Variants in ANO2 observed in about 807,000 individuals in gnomAD.
ANO2 encodes anoctamin 2, also known as anoctamin-2.
ANO2 carries 101 observed loss-of-function variants against 124.2 expected under a neutral mutation model. The ratio of observed to expected loss-of-function variants is 0.81; its 90% CI spans 0.69 to 0.96. The LOEUF (loss-of-function observed/expected upper bound fraction) is 0.96. Ranked by LOEUF, ANO2 falls within the 40% of genes least tolerant of loss-of-function variation. The pLI is 0.00. For synonymous variants in ANO2, 486 were observed against 482.5 expected (o/e 1.01, Z -0.09); for missense variants, 1,293 against 1,274.5 (o/e 1.01, Z -0.22).
chr12:5,886,836 C>T (rs1223518873), intron 3 of ANO2, among the ~76,000 whole-genome samples: 1 of 151,972 alleles, frequency 6.6e-6, no homozygotes, highest in Non-Finnish European at 1.5e-5. Flanking sequence ...AATAAAAGGA[C>T]GTGAAAGGAC....
At chr12:5,623,012 G>T (rs1394430703) in intron 16 of ANO2, among the ~76,000 whole-genome samples, 1 of 148,510 alleles carries the variant, frequency 6.7e-6, no homozygotes, top group Non-Finnish European at 1.5e-5. Context: ...AAGAAATGAA[G>T]AAATGGAATG....
intron 14 of ANO2, among the ~76,000 whole-genome samples, chr12:5,672,543 C>T (rs1948060030): frequency 6.6e-6 from 1 of 152,056 alleles, no homozygotes; most frequent in South Asian, 2.1e-4. Flanking sequence ...GAGTGTGGAC[C>T]CATGGAGGTC....
intron 7 of ANO2, among the ~76,000 whole-genome samples, chr12:5,818,181 C>T (rs1309837335): frequency 1.4e-5 from 2 of 142,612 alleles, no homozygotes; most frequent in Non-Finnish European, 1.5e-5. Context: ...CAAAGATTAA[C>T]ATTTGAGTCA....
At chr12:5,946,067 G>A (rs1943087805), upstream of ANO2, 4 of 1,520,248 alleles carry the variant, frequency 2.6e-6, no homozygotes, top group East Asian at 2.3e-5. This position sits in a 1 kb window ranked among gnomAD's most constrained non-coding sequence, Gnocchi z 4.1. Context: ...ATGCACAGAA[G>A]TAAAACAAGT....
At chr12:5,613,249 A>C (rs187515117) in intron 17 of ANO2, among the ~76,000 whole-genome samples, 4 of 152,216 alleles carry the variant, frequency 2.6e-5, no homozygotes, top group Admixed American at 6.5e-5. Flanking sequence ...GTGTGAGCCT[A>C]AACACCATGC....
chr12:5,839,468 C>G (rs1028526681), intron 4 of ANO2: 1 of 416,118 alleles, frequency 2.4e-6, no homozygotes, highest in African/African-American at 2.0e-5. Context: ...CTACTCCAGA[C>G]TCACCTAACA....
intron 11 of ANO2, among the ~76,000 whole-genome samples, chr12:5,750,449 T>C (rs1014776530): frequency 1.1e-4 from 16 of 152,328 alleles, no homozygotes; most frequent in African/African-American, 3.6e-4. Flanking sequence ...CTACTCAGTG[T>C]CACTCCCCAC....
intron 16 of ANO2, among the ~76,000 whole-genome samples, chr12:5,631,711 T>C (rs1945727580): frequency 6.6e-6 from 1 of 151,948 alleles, no homozygotes; most frequent in African/African-American, 2.4e-5. Context: ...ACTGAGGTCG[T>C]TTTGGCAGTC....
In ANO2 at chr12:5,908,829, A is replaced by G. The variant is rs1284467038; in HGVS notation, c.534+12211T>C. ...TTTTCCCTTACAATTGTGTGCACAG[A>G]ATAGGGAAGGCAGGGAATAAGTGGG... On this transcript the variant is annotated intron_variant, in intron 3 of 24. Coordinates refer to ENST00000682330, the MANE Select transcript of ANO2 (RefSeq NM_001364791.2). The surrounding 1 kb of genome is among the most constrained non-coding windows in gnomAD (Gnocchi z 4.7). Among the ~76,000 whole-genome samples the G allele has an allele frequency of 6.6e-6, 1 of 152,140 alleles. No homozygotes were observed. The highest frequency in any genetic ancestry group is 1.5e-5 in the Non-Finnish European group (1 of 68,032).
chr12:5,628,993 G>A (rs1002346265), intron 16 of ANO2, among the ~76,000 whole-genome samples: 5 of 152,114 alleles, frequency 3.3e-5, no homozygotes, highest in East Asian at 3.9e-4. Context: ...CCCTGGCCCC[G>A]CTTCAGGAGC....
Position 5,889,451 on chromosome 12 carries a change from C to G in ANO2, c.534+31589G>C, listed in dbSNP as rs576887931. ...TACATGCTGCTGAGGGACAGTTGGA[C>G]AAAAAGCAATTACATTACATTACAA... On this transcript the variant is annotated intron_variant, in intron 3 of 24. Coordinates refer to ENST00000682330, the MANE Select transcript of ANO2 (RefSeq NM_001364791.2). 3.9e-5 allele frequency among the ~76,000 whole-genome samples: 6 copies of G among 152,354 alleles called. No homozygotes were observed. The South Asian group carries it at 1.2e-3, about 32-fold the overall frequency.
intron 19 of ANO2, among the ~76,000 whole-genome samples, chr12:5,610,723 C>CATATATACATATGTATATAT (rs1555100504): frequency 1.7e-5 from 2 of 116,898 alleles, no homozygotes; most frequent in African/African-American, 6.7e-5. Context: ...CACATATATA[C>CATATATACATATGTATATAT]ATATATATAT....
At position 5,610,723 on chromosome 12, in the gene ANO2, C is replaced by CATATATACATATATATAT. The variant is rs1555100504; in HGVS notation, c.2087+1932_2087+1933insATATATATATGTATATAT. ...ATACATGTATGTGTACACATATATA[C>CATATATACATATATATAT]ATATATATATATATATATATGAAAA... On this transcript the variant is annotated intron_variant, in intron 19 of 24. Coordinates refer to ENST00000682330, the MANE Select transcript of ANO2 (RefSeq NM_001364791.2). 7.4e-4 allele frequency among the ~76,000 whole-genome samples: 86 copies of CATATATACATATATATAT among 116,862 alleles called. 3 individuals carry two copies. The highest frequency in any genetic ancestry group is 1.2e-3 in the East Asian group (5 of 4,116). 76.7% of individuals were successfully genotyped at this position (116,862 alleles called of 152,430 possible).
intron 4 of ANO2, among the ~76,000 whole-genome samples, chr12:5,852,970 A>G (rs1486193559): frequency 2.0e-5 from 3 of 151,360 alleles, no homozygotes; most frequent in Non-Finnish European, 4.4e-5. Context: ...CCCATGGTTA[A>G]ACTAGAGTGC....
chr12:5,785,094 T>C (rs948219647), intron 10 of ANO2, among the ~76,000 whole-genome samples: 2 of 152,082 alleles, frequency 1.3e-5, no homozygotes, highest in African/African-American at 2.4e-5. Context: ...ATAAATACCA[T>C]CTATCACTTT....
At chr12:5,837,423 C>T (rs1473909336) in intron 4 of ANO2, among the ~76,000 whole-genome samples, 3 of 149,328 alleles carry the variant, frequency 2.0e-5, no homozygotes, top group Non-Finnish European at 1.5e-5. Context: ...GTGCGCTGCA[C>T]CCACTAACTC....
chr12:5,600,775 T>C (rs1385425838), intron 19 of ANO2, among the ~76,000 whole-genome samples: 3 of 152,144 alleles, frequency 2.0e-5, no homozygotes, highest in Non-Finnish European at 4.4e-5. Context: ...ATCAAAGACT[T>C]GAAGTGTTTA....
At chr12:5,637,396 G>A (rs879245094) in intron 15 of ANO2, among the ~76,000 whole-genome samples, 3 of 151,432 alleles carry the variant, frequency 2.0e-5, no homozygotes, top group Non-Finnish European at 4.4e-5. Context: ...ATTGGGAGAC[G>A]GACTAGGGGA....
At chr12:5,852,899 T>TGA (rs141571472) in intron 4 of ANO2, among the ~76,000 whole-genome samples, 85 of 141,830 alleles carry the variant, frequency 6.0e-4, no homozygotes, top group African/African-American at 5.3e-4. Context: ...GTGGTGTATA[T>TGA]GAGAGAGAGA....
Sources: gnomAD v4.1 joint callset for allele counts (sites outside exome capture counted in the v4.1 genomes callset) on GRCh38, gnomAD v4.1.1 for gene constraint, Gnocchi (gnomAD v3.1) non-coding constraint, MANE v1.5 for transcripts, NCBI Gene and HGNC (gene_info 2026-07-23, HGNC 2026-07-21) for gene names.